The following MICALL1 variants were observed in gnomAD, a reference collection of about 807,000 sequenced individuals.
MICALL1 encodes MICAL-like protein 1.
A neutral mutation model predicts 83.7 loss-of-function variants in MICALL1; 61 were observed. The observed-to-expected ratio is 0.73, with a 90% CI of 0.59 to 0.90. The LOEUF (loss-of-function observed/expected upper bound fraction) is 0.90, where lower values mean the gene tolerates loss of function less well. Ranked by LOEUF, MICALL1 falls within the 40% of genes least tolerant of loss-of-function variation. The pLI is 0.00. For synonymous variants in MICALL1, 481 were observed against 473.6 expected (o/e 1.02, Z -0.20); for missense variants, 1,066 against 1,152.0 (o/e 0.93, Z 1.08).
chr22:37,940,530 G>A lies in MICALL1; in HGVS notation c.2471-179G>A, dbSNP rs529675469. Among the ~76,000 whole-genome samples the A allele has an allele frequency of 5.3e-5, 8 of 152,236 alleles. No homozygotes were observed. In the East Asian group the frequency reaches 1.5e-3, roughly 29 times the overall value. The stretch of plus-strand genomic sequence containing the variant: ...GGGGGAGGATGGGCCCCATCCTCTA[G>A]GTGAAGAGACAGAGGCTGGGAAAGG... On this transcript the variant is annotated intron_variant, in intron 15 of 15. Transcript: ENST00000215957.
intron 13 of MICALL1, among the ~76,000 whole-genome samples, chr22:37,935,551 A>T (rs190669668): frequency 6.7e-6 from 1 of 149,718 alleles, no homozygotes; most frequent in Non-Finnish European, 1.5e-5. Context: ...GAGCCACCGC[A>T]CCCGGCCTAT....
In MICALL1 at chr22:37,927,399, T is replaced by C; in HGVS notation, c.1466-12T>C. 1 of 1,555,556 alleles carries C rather than the reference T, an allele frequency of 6.4e-7. No individual in the cohort carries two copies. The highest frequency in any genetic ancestry group is 8.7e-7 in the Non-Finnish European group (1 of 1,151,058). On this transcript the variant is annotated splice_polypyrimidine_tract_variant and intron_variant, in intron 8 of 15. Coordinates refer to ENST00000215957, the MANE Select transcript of MICALL1 (RefSeq NM_033386.4). Reference sequence around the variant, plus strand: ...CTCCCCTTGTGAGGTGTCCTGGTGCTCGTCCGCACAGCTCTCCACGCCTCC... The same window carrying C: ...CTCCCCTTGTGAGGTGTCCTGGTGCCCGTCCGCACAGCTCTCCACGCCTCC...
chr22:37,933,036 T>C lies in MICALL1; in HGVS notation c.2235-3T>C. 1.9e-6 allele frequency: 3 copies of C among 1,613,926 alleles called. No individual in the cohort carries two copies. Among genetic ancestry groups the C allele is most frequent in the Non-Finnish European group, 2.5e-6 (3 of 1,179,970 alleles). ...TTAAGAGTCACCTTATTCCCACCCCTAGCTTCAAGCAGCAGAACCTGGAGC... is the reference window on the plus strand; with the variant it reads ...TTAAGAGTCACCTTATTCCCACCCCCAGCTTCAAGCAGCAGAACCTGGAGC... On this transcript the variant is annotated splice_region_variant and splice_polypyrimidine_tract_variant and intron_variant, in intron 12 of 15. Coordinates refer to ENST00000215957, the MANE Select transcript of MICALL1 (RefSeq NM_033386.4).
In MICALL1 at chr22:37,925,978, C is replaced by A; in HGVS notation, c.1400C>A (p.Thr467Asn). 1 of 1,613,918 alleles carries A rather than the reference C, an allele frequency of 6.2e-7. No individual in the cohort carries two copies. Among genetic ancestry groups the A allele is most frequent in the Non-Finnish European group, 8.5e-7 (1 of 1,179,968 alleles). Residue 467 changes from threonine to asparagine, a missense_variant, in exon 8 of 16, where the codon ACC becomes AAC. Coordinates refer to ENST00000215957, the MANE Select transcript of MICALL1 (RefSeq NM_033386.4). ...TCCCTGCACCCCTGGTACGGCATCA[C>A]CCCTACCAGCAGCCCCAAGACAAAG... ...PKSLHPWYGI[T>N]PTSSPKTKKR...
intron 3 of MICALL1, among the ~76,000 whole-genome samples, chr22:37,912,731 A>G (rs538088705): frequency 5.3e-5 from 8 of 150,422 alleles, no homozygotes; most frequent in African/African-American, 2.0e-4. Context: ...CGATGGCACG[A>G]TCTCGGCTCA....
intron 2 of MICALL1, 67 bp from the exon 3 acceptor site, chr22:37,912,284 C>T (rs1003689): frequency 0.4 from 611,716 of 1,538,648 alleles, 123,754 homozygotes; most frequent in African/African-American, 0.42. Flanking sequence ...GCTGAGGGGT[C>T]GCCCCCTAAC....
chr22:37,929,809 G>GC (rs1434186268), intron 9 of MICALL1, among the ~76,000 whole-genome samples: 1 of 152,218 alleles, frequency 6.6e-6, no homozygotes, highest in Non-Finnish European at 1.5e-5. Flanking sequence ...GGCTCATCTG[G>GC]CCCCAGGTAG....
rs530630308 is a variant in MICALL1, at chr22:37,927,968, C to T, written c.1881+142C>T. ...TGTCACCCAGGCTGGAGTGCAGTGGCGCGATCTTGGCTCACTGCAAGCTCT... is the reference window on the plus strand; with the variant it reads ...TGTCACCCAGGCTGGAGTGCAGTGGTGCGATCTTGGCTCACTGCAAGCTCT... On this transcript the variant is annotated intron_variant, in intron 9 of 15. Transcript: ENST00000215957. The T allele has an allele frequency of 8.5e-4, 789 of 923,410 alleles. 12 individuals are homozygous for T. The South Asian group carries it at 0.014, about 16-fold the overall frequency. The allele number at this position is 923,410 out of a possible 1,614,324, so 57.2% of individuals were successfully genotyped here.
chr22:37,908,771 G>A (rs570108256), intron 1 of MICALL1, among the ~76,000 whole-genome samples: 1 of 152,168 alleles, frequency 6.6e-6, no homozygotes, highest in Non-Finnish European at 1.5e-5. Context: ...GCAATTCCAT[G>A]TACCCTATCA....
At position 37,927,836 on chromosome 22, in the gene MICALL1, C is replaced by T. The variant is rs1929564104; in HGVS notation, c.1881+10C>T. On this transcript the variant is annotated intron_variant, in intron 9 of 15. Transcript: ENST00000215957. ...ACAGCTGCAGGTAAAGGTGAGTGCC[C>T]CCTCACCCTCACTAAAAGTGACATC... 1.3e-6 allele frequency: 2 copies of T among 1,588,036 alleles called. No homozygotes were observed. The highest frequency in any genetic ancestry group is 4.5e-5 in the East Asian group (2 of 44,460).
chr22:37,919,014 TC>T lies in MICALL1; in HGVS notation c.427-17del, dbSNP rs1257785842. ...TGGTGACCATGTCCTGCTCCCAACC[TC>T]CCCCACCTCGTTCTCTGCAGGGCGA... On this transcript the variant is annotated intron_variant, in intron 4 of 15. Transcript: ENST00000215957. 4 of 1,528,166 alleles carry T rather than the reference TC, an allele frequency of 2.6e-6. No individual in the cohort carries two copies. The African/African-American group carries it at 5.5e-5, about 21-fold the overall frequency. 94.7% of individuals were successfully genotyped at this position (1,528,166 alleles called of 1,614,324 possible).
Position 37,926,030 on chromosome 22 carries a change from C to T in MICALL1, c.1452C>T (p.Ser484=), listed in dbSNP as rs745581260. ...TKKRPAPRAP[S]ASPLALHASR... ...AGCGCCCTGCCCCGCGCGCACCCAG[C>T]GCGTCCCCACTGGGTGAGTGCCTTT... The change falls in exon 8 of 16, where the codon AGC becomes AGT. Residue 484 remains serine, a synonymous_variant. Transcript: ENST00000215957. 9.4e-6 allele frequency: 15 copies of T among 1,600,788 alleles called. No homozygotes were observed. Among genetic ancestry groups the T allele is most frequent in the Admixed American group, 3.4e-5 (2 of 58,712 alleles).
At chr22:37,911,682 T>C (rs1200065461) in intron 1 of MICALL1, among the ~76,000 whole-genome samples, 1 of 152,130 alleles carries the variant, frequency 6.6e-6, no homozygotes, top group Non-Finnish European at 1.5e-5. Context: ...CCTCACCCCT[T>C]CCCAGTGATT....
In MICALL1 at chr22:37,932,714, G is replaced by C; in HGVS notation, c.2143+35G>C. 1 of 1,611,988 alleles carries C rather than the reference G, an allele frequency of 6.2e-7. No individual in the cohort carries two copies. Among genetic ancestry groups the C allele is most frequent in the Non-Finnish European group, 8.5e-7 (1 of 1,179,250 alleles). On this transcript the variant is annotated intron_variant, in intron 11 of 15. Transcript: ENST00000215957. The surrounding 1 kb of genome is among the most constrained non-coding windows in gnomAD (Gnocchi z 4.4). ...CGGCTGGGAGGGCCTGCTGGGTGGG[G>C]CTGGGGGCAGGAGCCTCTATTCCCC... is the stretch of plus-strand genomic sequence containing the variant.
chr22:37,908,232 T>C (rs1928091977), intron 1 of MICALL1, among the ~76,000 whole-genome samples: 1 of 152,162 alleles, frequency 6.6e-6, no homozygotes, highest in Non-Finnish European at 1.5e-5. Context: ...ATGTGAGGAT[T>C]GCATGAGATA....
chr22:37,911,833 G>C (rs1037618044), intron 1 of MICALL1, 119 bp from the exon 2 acceptor site: 1 of 951,652 alleles, frequency 1.1e-6, no homozygotes, highest in East Asian at 2.4e-5. Flanking sequence ...CAACCCTGCT[G>C]AGGTTGATGC....
chr22:37,911,397 C>T (rs1928313747), intron 1 of MICALL1, among the ~76,000 whole-genome samples: 1 of 152,222 alleles, frequency 6.6e-6, no homozygotes, highest in East Asian at 1.9e-4. Flanking sequence ...GTGTGACACA[C>T]CTGCAGGGGC....
At chr22:37,912,176 G>A (rs1215949270) in intron 2 of MICALL1, among the ~76,000 whole-genome samples, 175 bp from the exon 3 acceptor site, 4 of 152,084 alleles carry the variant, frequency 2.6e-5, no homozygotes, top group Non-Finnish European at 5.9e-5. Context: ...GGAGCACCAG[G>A]CTTCCCCTTT....
At chr22:37,928,110 G>A (rs1006286118) in intron 9 of MICALL1, among the ~76,000 whole-genome samples, 4 of 152,074 alleles carry the variant, frequency 2.6e-5, no homozygotes, top group East Asian at 1.9e-4. Flanking sequence ...TTTTCACCCC[G>A]TTAGCCAGGA....
Sources: gnomAD v4.1 joint callset for allele counts (sites outside exome capture counted in the v4.1 genomes callset) on GRCh38, gnomAD v4.1.1 for gene constraint, Gnocchi (gnomAD v3.1) non-coding constraint, MANE v1.5 for transcripts, NCBI Gene and HGNC (gene_info 2026-07-23, HGNC 2026-07-21) for gene names.